ZNF354A: variants seen among roughly 807,000 people sequenced by gnomAD.
The protein encoded by ZNF354A is epididymis luminal protein 104.
Under a neutral mutation model 53.3 loss-of-function variants are expected in ZNF354A, and 25 were observed. That is an observed-to-expected ratio of 0.47 (90% CI 0.34 to 0.66). The LOEUF (loss-of-function observed/expected upper bound fraction) is 0.66, where lower values mean the gene tolerates loss of function less well. ZNF354A is among the 30% of genes least tolerant of loss of function. ZNF354A has a pLI of 0.01. For missense variants in ZNF354A, 586 were observed against 716.8 expected (o/e 0.82, Z 2.08); for synonymous variants, 228 against 249.0 (o/e 0.92, Z 0.79).
chr5:178,718,559 T>C (rs892561232), intron 4 of ZNF354A, among the ~76,000 whole-genome samples: 8 of 152,214 alleles, frequency 5.3e-5, no homozygotes, highest in Non-Finnish European at 1.2e-4. Flanking sequence ...TTTCCACTTG[T>C]GTATCTTTCT....
At chr5:178,719,706 G>C (rs1210537563) in intron 4 of ZNF354A, among the ~76,000 whole-genome samples, 1 of 152,118 alleles carries the variant, frequency 6.6e-6, no homozygotes, top group Non-Finnish European at 1.5e-5. Context: ...CCAGCACTTT[G>C]GGAGGCCGAG....
At chr5:178,730,176 C>T (rs62392854) in intron 1 of ZNF354A, among the ~76,000 whole-genome samples, 36,805 of 152,070 alleles carry the variant, frequency 0.24, 5,180 homozygotes, top group South Asian at 0.35. Flanking sequence ...AACACCAGCT[C>T]TGAAGAGGAA....
intron 4 of ZNF354A, among the ~76,000 whole-genome samples, chr5:178,722,685 G>T (rs1205869267): frequency 6.6e-6 from 1 of 152,182 alleles, no homozygotes; most frequent in Non-Finnish European, 1.5e-5. Context: ...GCATACCCTG[G>T]CCAGGGACTG....
In ZNF354A at chr5:178,712,387, G is replaced by T; in HGVS notation, c.1491C>A (p.Asn497Lys). The stretch of plus-strand genomic sequence containing the variant: ...TACACCTGAATGTTTTCCCACACTC[G>T]TTACATTTATAGGGTCTTTCTCCAG... Reference protein sequence around the residue: ...MHTGERPYKCNECGKTFRCNS... With the variant: ...MHTGERPYKCKECGKTFRCNS... Residue 497 changes from asparagine (N) to lysine (K), a missense_variant, in exon 5 of 5, where the codon AAC (asparagine) becomes AAA (lysine). Physicochemically the swap from Asn to Lys is moderately conservative, Grantham distance 94. Around this residue, in one of 2 missense-constraint regions of ZNF354A, gnomAD observed 573 missense variants for 680.1 expected, o/e 0.84. Coordinates refer to ENST00000335815, the MANE Select transcript of ZNF354A (RefSeq NM_005649.3). The T allele has an allele frequency of 6.2e-7, 1 of 1,613,574 alleles. No homozygotes were observed. The highest frequency in any genetic ancestry group is 1.1e-5 in the South Asian group (1 of 91,062).
chr5:178,724,151 C>T (rs1277915229), intron 4 of ZNF354A, among the ~76,000 whole-genome samples: 1 of 152,072 alleles, frequency 6.6e-6, no homozygotes, highest in African/African-American at 2.4e-5. Context: ...CACGAACTCA[C>T]GGCAAGTGCC....
Position 178,713,319 on chromosome 5 carries a change from G to A in ZNF354A, c.559C>T (p.Pro187Ser), listed in dbSNP as rs761605628. The part of the protein sequence containing the change: ...QQILPREKTP[P>S]KCEIQGNSLK... ...CTGTTTCCTTGTATTTCACATTTTG[G>A]TGGTGTTTTTTCTCTGGGAAGTATC... Residue 187 changes from proline (P) to serine (S), a missense_variant, in exon 5 of 5, where the codon CCA (proline) becomes TCA (serine). By Grantham distance (74) the Pro-to-Ser change is moderately conservative. Transcript: ENST00000335815. The A allele has an allele frequency of 1.2e-6, 2 of 1,613,974 alleles. No homozygotes were observed. Among genetic ancestry groups the A allele is most frequent in the Admixed American group, 1.7e-5 (1 of 59,972 alleles).
intron 4 of ZNF354A, among the ~76,000 whole-genome samples, chr5:178,715,299 A>G (rs1475178339): frequency 1.3e-5 from 2 of 152,118 alleles, no homozygotes; most frequent in African/African-American, 2.4e-5. Flanking sequence ...AACACAATAC[A>G]TCTTGCTTTT....
chr5:178,729,882 T>TTTTTTTTTTTTTTTTG (rs1233141218), intron 1 of ZNF354A, among the ~76,000 whole-genome samples: 2 of 147,660 alleles, frequency 1.4e-5, no homozygotes, highest in Non-Finnish European at 3.0e-5. Context: ...GTTTCTTTTT[T>TTTTTTTTTTTTTTTTG]GAGACGGAGT....
chr5:178,715,886 G>C (rs928378978), intron 4 of ZNF354A, among the ~76,000 whole-genome samples: 2 of 122,518 alleles, frequency 1.6e-5, no homozygotes, highest in African/African-American at 6.3e-5. Context: ...ACTGCAGCCA[G>C]AATAATCTCT....
At chr5:178,729,792 C>G (rs1313133244) in intron 1 of ZNF354A, among the ~76,000 whole-genome samples, 2 of 151,910 alleles carry the variant, frequency 1.3e-5, no homozygotes, top group African/African-American at 4.8e-5. Flanking sequence ...GGTGATCTGC[C>G]CGCCTTGGCA....
At chr5:178,728,026 T>G (rs904755673) in intron 2 of ZNF354A, among the ~76,000 whole-genome samples, 1 of 152,136 alleles carries the variant, frequency 6.6e-6, no homozygotes, top group Non-Finnish European at 1.5e-5. Flanking sequence ...AATTTTTGTA[T>G]TTTTAGTAGA....
rs1049334927 is a variant in ZNF354A at position 178,723,230 on chromosome 5, C to T, written c.256+2146G>A. Among the ~76,000 whole-genome samples the T allele has an allele frequency of 9.2e-5, 14 of 152,338 alleles. No homozygotes were observed. In the South Asian group the frequency reaches 1.2e-3, roughly 14 times the overall value. On this transcript the variant is annotated intron_variant, in intron 4 of 4. Coordinates refer to ENST00000335815, the MANE Select transcript of ZNF354A (RefSeq NM_005649.3). Reference sequence around the variant, plus strand: ...TCCCCAGCACAGGGGCTGTGGGGACCGAGGCTGCCTGCCCTGCAGCTCCTT... The same window carrying T: ...TCCCCAGCACAGGGGCTGTGGGGACTGAGGCTGCCTGCCCTGCAGCTCCTT...
intron 1 of ZNF354A, among the ~76,000 whole-genome samples, chr5:178,729,918 G>C (rs937241020): frequency 7.0e-6 from 1 of 142,088 alleles, no homozygotes; most frequent in African/African-American, 2.6e-5. Flanking sequence ...AGGCTGGAGT[G>C]CAGGGCTTGA....
At chr5:178,723,336 A>ATGGGC (rs750698517) in intron 4 of ZNF354A, among the ~76,000 whole-genome samples, 6 of 152,106 alleles carry the variant, frequency 3.9e-5, no homozygotes, top group Non-Finnish European at 5.9e-5. Flanking sequence ...GGTTCTCCAC[A>ATGGGC]TGGGCTGGCG....
intron 2 of ZNF354A, among the ~76,000 whole-genome samples, chr5:178,728,782 C>CA (rs1157233878): frequency 0.019 from 984 of 50,732 alleles, 31 homozygotes; most frequent in Middle Eastern, 0.042. Flanking sequence ...AAGCGAGATT[C>CA]AAAAAAAAAA....
At chr5:178,726,648 T>A (rs1262870014) in intron 3 of ZNF354A, among the ~76,000 whole-genome samples, 2 of 151,146 alleles carry the variant, frequency 1.3e-5, no homozygotes, top group Non-Finnish European at 3.0e-5. Flanking sequence ...AAAAGACAAG[T>A]GGGAAAGGCA....
intron 2 of ZNF354A, 65 bp from the exon 3 acceptor site, chr5:178,727,190 G>GA (rs1765927900): frequency 6.7e-7 from 1 of 1,481,592 alleles, no homozygotes; most frequent in African/African-American, 1.4e-5. Context: ...GGCGGCAGTG[G>GA]GAAAGACACG....
chr5:178,713,092 T>A lies in ZNF354A; in HGVS notation c.786A>T (p.Ile262=), dbSNP rs368385178. Residue 262 remains isoleucine, a synonymous_variant, in exon 5 of 5, where the codon ATA becomes ATT. Coordinates refer to ENST00000335815, the MANE Select transcript of ZNF354A (RefSeq NM_005649.3). ...SQSSALIQHQ[I]THTGEKPYIC... is the part of the protein sequence containing the mutation. ...TGTAGGGTTTCTCTCCAGTATGCGT[T>A]ATTTGATGTTGAATAAGAGCTGAAC... is the stretch of plus-strand genomic sequence containing the variant. 6.2e-7 allele frequency: 1 copy of A among 1,613,950 alleles called. No homozygotes were observed.
At chr5:178,727,944 G>A (rs376026323) in intron 2 of ZNF354A, among the ~76,000 whole-genome samples, 4 of 152,064 alleles carry the variant, frequency 2.6e-5, no homozygotes, top group African/African-American at 2.4e-5. Flanking sequence ...TCCACCTTCC[G>A]GGTTCCAATG....
Sources: gnomAD v4.1 joint callset for allele counts (sites outside exome capture counted in the v4.1 genomes callset) on GRCh38, gnomAD v4.1.1 for gene constraint, gnomAD v4.1.1 regional missense constraint, MANE v1.5 for transcripts, NCBI Gene and HGNC (gene_info 2026-07-23, HGNC 2026-07-21) for gene names.